Variants in RASSF3 observed in about 807,000 individuals in gnomAD.
The protein encoded by RASSF3 is ras association domain-containing protein 3.
A neutral mutation model predicts 19.9 loss-of-function variants in RASSF3; 19 were observed. The ratio of observed to expected loss-of-function variants is 0.96; its 90% CI spans 0.67 to 1.40. The LOEUF (loss-of-function observed/expected upper bound fraction) is 1.40. RASSF3 is among the 40% of genes most tolerant of loss of function. RASSF3 has a pLI of 0.00. For missense variants in RASSF3, 306 were observed against 289.8 expected (o/e 1.06, Z -0.41); for synonymous variants, 110 against 104.2 (o/e 1.06, Z -0.34).
At position 64,695,111 on chromosome 12, in the gene RASSF3, T is replaced by G; in HGVS notation, c.*199T>G. The G allele has an allele frequency of 1.8e-6, 1 of 554,660 alleles. No homozygotes were observed. The highest frequency in any genetic ancestry group is 3.2e-6 in the Non-Finnish European group (1 of 315,736). 34.4% of individuals were successfully genotyped at this position (554,660 alleles called of 1,614,324 possible). ...CATGTAAGGGACTCTGCAAGCTTGTTGTTCAGCACCGCAGTGTTACCTCTT... is the reference window on the plus strand; with the variant it reads ...CATGTAAGGGACTCTGCAAGCTTGTGGTTCAGCACCGCAGTGTTACCTCTT... On this transcript the variant is annotated 3_prime_UTR_variant, in exon 5 of 5. Coordinates refer to ENST00000542104, the MANE Select transcript of RASSF3 (RefSeq NM_178169.4).
At chr12:64,655,142 A>G (rs1242556773) in intron 1 of RASSF3, 1 of 152,196 alleles carries the variant, frequency 6.6e-6, no homozygotes, top group Non-Finnish European at 1.5e-5. Context: ...ACTGTTATAG[A>G]TCTGTAGAAG....
At chr12:64,579,808 G>GGTT in intron 2 of RASSF3, among the ~76,000 whole-genome samples, 1 of 120,310 alleles carries the variant, frequency 8.3e-6, no homozygotes, top group Middle Eastern at 4.2e-3. Flanking sequence ...TGTTTTTTTG[G>GGTT]GTTTTTTTTT....
intron 2 of RASSF3, among the ~76,000 whole-genome samples, chr12:64,576,863 A>AC (rs1271687758): frequency 1.3e-5 from 2 of 151,828 alleles, no homozygotes; most frequent in East Asian, 1.9e-4. Context: ...AAAAAAAAAA[A>AC]AAAAAAACTT....
At chr12:64,563,235 C>T (rs561388010) in intron 2 of RASSF3, among the ~76,000 whole-genome samples, 8 of 151,230 alleles carry the variant, frequency 5.3e-5, no homozygotes, top group Non-Finnish European at 7.4e-5. Flanking sequence ...TGCGTGATCT[C>T]GGCTTACTAC....
At chr12:64,692,150 AG>A (rs1868296322) in intron 4 of RASSF3, among the ~76,000 whole-genome samples, 1 of 152,204 alleles carries the variant, frequency 6.6e-6, no homozygotes, top group Non-Finnish European at 1.5e-5. Flanking sequence ...GTTCAGTAGA[AG>A]AAAAAAAGCA....
chr12:64,684,329 C>T (rs993927018), intron 1 of RASSF3, among the ~76,000 whole-genome samples: 3 of 151,728 alleles, frequency 2.0e-5, no homozygotes, highest in East Asian at 3.9e-4. Flanking sequence ...TAAGCTCTGC[C>T]GTCCTTGGCC....
rs149399770 is a variant in RASSF3, at chr12:64,537,878, TTTGGTGTC to T, written c.68-3700_68-3693del. On this transcript the variant is annotated intron_variant, in intron 1 of 1. Transcript: ENST00000636333. Reference sequence around the variant, plus strand: ...AATCCAAAATCAACATGTCTGCAGGTTTGGTGTCTTCTGAGACCTTTCCTCTTGGCTTA... The same window carrying T: ...AATCCAAAATCAACATGTCTGCAGGTTTCTGAGACCTTTCCTCTTGGCTTA... Among the ~76,000 whole-genome samples, 615 of 152,316 alleles carry T rather than the reference TTTGGTGTC, an allele frequency of 4.0e-3. 3 individuals carry two copies. The highest frequency in any genetic ancestry group is 0.013 in the African/African-American group (560 of 41,566).
At chr12:64,591,351 C>T (rs781706998) in intron 2 of RASSF3, among the ~76,000 whole-genome samples, 2 of 151,926 alleles carry the variant, frequency 1.3e-5, no homozygotes, top group Non-Finnish European at 2.9e-5. Context: ...TGGTGTGCAC[C>T]AGTAATCCCA....
intron 1 of RASSF3, among the ~76,000 whole-genome samples, chr12:64,683,601 G>A (rs892001945): frequency 2.0e-5 from 3 of 152,184 alleles, no homozygotes; most frequent in African/African-American, 7.2e-5. Context: ...TCAGTGATTA[G>A]TATGAGTCCG....
upstream of RASSF3, chr12:64,533,134 G>A (rs544727977): frequency 2.0e-5 from 3 of 152,424 alleles, no homozygotes; most frequent in East Asian, 5.8e-4. Context: ...CATGAAGCCA[G>A]GGAGTGAAGA....
upstream of RASSF3, chr12:64,533,139 T>C (rs574741574): frequency 1.3e-5 from 2 of 151,950 alleles, no homozygotes; most frequent in African/African-American, 2.4e-5. Flanking sequence ...AGCCAGGGAG[T>C]GAAGAGAGGC....
intron 2 of RASSF3, among the ~76,000 whole-genome samples, chr12:64,559,261 T>TTTTTTTGG: frequency 6.7e-6 from 1 of 150,090 alleles, no homozygotes. Context: ...TTTTTTTTTT[T>TTTTTTTGG]GAGGCGGAGT....
At chr12:64,556,834 C>CTTTTTT (rs5798747) in intron 2 of RASSF3, among the ~76,000 whole-genome samples, 1 of 114,406 alleles carries the variant, frequency 8.7e-6, no homozygotes, top group Non-Finnish European at 1.8e-5. Context: ...CCCCCTACCC[C>CTTTTTT]TTTTTTTTTT....
intron 1 of RASSF3, among the ~76,000 whole-genome samples, chr12:64,682,380 G>A (rs1052658885): frequency 6.6e-6 from 1 of 152,022 alleles, no homozygotes; most frequent in African/African-American, 2.4e-5. Flanking sequence ...GACCATCCTG[G>A]CTAATACGGT....
intron 2 of RASSF3, among the ~76,000 whole-genome samples, chr12:64,586,491 G>GA (rs10708538): frequency 0.3 from 21,384 of 70,166 alleles, 3,866 homozygotes; most frequent in East Asian, 0.41. Flanking sequence ...CTCCTTCTCA[G>GA]AAAAAAAAAA....
intron 1 of RASSF3, among the ~76,000 whole-genome samples, chr12:64,674,851 A>G (rs1466178002): frequency 6.6e-6 from 1 of 152,038 alleles, no homozygotes; most frequent in Non-Finnish European, 1.5e-5. Context: ...AGTGAGAGGT[A>G]AAGTTGGGGG....
intron 2 of RASSF3, among the ~76,000 whole-genome samples, chr12:64,576,678 C>G (rs969448319): frequency 7.2e-5 from 11 of 151,970 alleles, no homozygotes; most frequent in African/African-American, 2.7e-4. Flanking sequence ...GTGGAGAACT[C>G]TTGCCCTTCA....
At chr12:64,670,424 A>G (rs1421819710) in intron 1 of RASSF3, among the ~76,000 whole-genome samples, 4 of 146,804 alleles carry the variant, frequency 2.7e-5, no homozygotes, top group Non-Finnish European at 4.5e-5. Flanking sequence ...GAAGTTTTTG[A>G]AAATTTTGTA....
intron 1 of RASSF3, among the ~76,000 whole-genome samples, chr12:64,670,771 C>A (rs1872677495): frequency 6.6e-6 from 1 of 152,138 alleles, no homozygotes; most frequent in African/African-American, 2.4e-5. Flanking sequence ...TCCATATTGA[C>A]CTTCTGTATC....
Sources: gnomAD v4.1 joint callset for allele counts (sites outside exome capture counted in the v4.1 genomes callset) on GRCh38, gnomAD v4.1.1 for gene constraint, MANE v1.5 for transcripts, NCBI Gene and HGNC (gene_info 2026-07-23, HGNC 2026-07-21) for gene names.